Variants in ZNF69 observed in about 807,000 individuals in gnomAD.
ZNF69 encodes the protein ZNF3.
A neutral mutation model predicts 50.9 loss-of-function variants in ZNF69; 47 were observed. That is an observed-to-expected ratio of 0.92 (90% CI 0.73 to 1.18). ZNF69 has a LOEUF of 1.18. ZNF69 is among the 50% of genes most tolerant of loss of function. ZNF69 has a pLI of 0.00. For missense variants in ZNF69, 717 were observed against 675.1 expected, an observed-to-expected ratio of 1.06 and a Z score of -0.69; for synonymous variants, 216 against 223.1, an observed-to-expected ratio of 0.97 and a Z score of 0.29.
At chr19:11,960,188 T>G in the ZNF69 span, among the ~76,000 whole-genome samples, 1 of 152,052 alleles carries the variant, frequency 6.6e-6, no homozygotes, top group Non-Finnish European at 1.5e-5. Context: ...CCCAGCTAAT[T>G]TTTGTATTTT....
At chr19:11,955,149 C>T in the ZNF69 span, among the ~76,000 whole-genome samples, 16 of 151,354 alleles carry the variant, frequency 1.1e-4, no homozygotes, top group African/African-American at 2.4e-4. Context: ...GGACTACAGG[C>T]GCATACCACC....
the ZNF69 span, chr19:11,926,831 G>C: frequency 6.5e-6 from 1 of 153,342 alleles, no homozygotes; most frequent in East Asian, 1.9e-4. Flanking sequence ...TAATAGAAAG[G>C]TCAAGATTTC....
At chr19:11,948,830 A>C in the ZNF69 span, 3 of 1,609,344 alleles carry the variant, frequency 1.9e-6, no homozygotes, top group Non-Finnish European at 2.5e-6. Flanking sequence ...CAAATACATG[A>C]AAGAACTCAC....
chr19:11,905,235 C>G lies in ZNF69; in HGVS notation c.838C>G (p.Gln280Glu). 3 of 1,614,036 alleles carry G rather than the reference C, an allele frequency of 1.9e-6. No individual in the cohort carries two copies. The highest frequency in any genetic ancestry group is 2.5e-6 in the Non-Finnish European group (3 of 1,180,002). Residue 280 changes from glutamine to glutamate, a missense_variant, in exon 4 of 4, where the codon CAA becomes GAA. By Grantham distance (29) the Gln-to-Glu change is conservative. Coordinates refer to ENST00000429654, the MANE Select transcript of ZNF69 (RefSeq NM_001364730.1). ...TGGAGAAAAGCCTTATGAATGTCAGCAATGTGGGAAAGCATTTCATAGTCC... is the reference window on the plus strand; with the variant it reads ...TGGAGAAAAGCCTTATGAATGTCAGGAATGTGGGAAAGCATTTCATAGTCC... Reference protein sequence around the residue: ...HTGEKPYECQQCGKAFHSPRC... With the variant: ...HTGEKPYECQECGKAFHSPRC...
In ZNF69 at chr19:11,905,812, A is replaced by C. The variant is rs200889282; in HGVS notation, c.1415A>C (p.His472Pro). 219 of 1,613,550 alleles carry C rather than the reference A, an allele frequency of 1.4e-4. No homozygotes were observed. Among genetic ancestry groups the C allele is most frequent in the Non-Finnish European group, 1.7e-4 (202 of 1,179,962 alleles). ...HERTQTHVRI[H>P]SGERPYKCKL... The stretch of plus-strand genomic sequence containing the variant: ...AGGACACAAACACACGTAAGAATAC[A>C]CTCTGGAGAAAGACCTTATAAATGT... The change falls in exon 4 of 4, where the codon CAC becomes CCC. Residue 472 changes from histidine (H) to proline (P), a missense_variant. Physicochemically the swap from His to Pro is moderately conservative, Grantham distance 77. Coordinates refer to ENST00000429654, the MANE Select transcript of ZNF69 (RefSeq NM_001364730.1).
In ZNF69 at chr19:11,905,012, A is replaced by G. The variant is rs779509062; in HGVS notation, c.615A>G (p.Ser205=). 6.2e-7 allele frequency: 1 copy of G among 1,614,148 alleles called. No individual in the cohort carries two copies. The highest frequency in any genetic ancestry group is 1.7e-5 in the Admixed American group (1 of 60,026). Residue 205 remains serine, a synonymous_variant, in exon 4 of 4, where the codon TCA becomes TCG. Transcript: ENST00000429654. ...GTGGAAAAACTTTTATTTCCCATTC[A>G]AGCATTCAAAGACACGTGGTAATGC... is the stretch of plus-strand genomic sequence containing the variant. ...KECGKTFISH[S]SIQRHVVMHS...
At chr19:11,908,841 CAG>C (rs758516048), downstream of ZNF69, among the ~76,000 whole-genome samples, 3 of 151,884 alleles carry the variant, frequency 2.0e-5, no homozygotes, top group Non-Finnish European at 2.9e-5. Flanking sequence ...CTGAAGGAGA[CAG>C]AGACAGAAAA....
chr19:11,905,638 A>T lies in ZNF69; in HGVS notation c.1241A>T (p.Lys414Ile), dbSNP rs761907825. ...RYHERIHTGEKPYECKQCGKA... is the reference protein window; with the variant it reads ...RYHERIHTGEIPYECKQCGKA... ...CATGAAAGGATTCACACTGGAGAGA[A>T]ACCCTATGAGTGTAAGCAATGTGGG... is the stretch of plus-strand genomic sequence containing the variant. Residue 414 changes from lysine to isoleucine, a missense_variant, in exon 4 of 4, where the codon AAA (lysine) becomes ATA (isoleucine). Coordinates refer to ENST00000429654, the MANE Select transcript of ZNF69 (RefSeq NM_001364730.1). 1.9e-5 allele frequency: 31 copies of T among 1,614,108 alleles called. No individual in the cohort carries two copies. In the African/African-American group the frequency reaches 3.3e-4, roughly 17 times the overall value.
downstream of ZNF69, among the ~76,000 whole-genome samples, chr19:11,906,961 AAC>A (rs1376192983): frequency 2.0e-5 from 3 of 152,198 alleles, no homozygotes; most frequent in African/African-American, 7.2e-5. Flanking sequence ...AACTAGAATA[AAC>A]AGTGTAGAGA....
rs748141934 is a variant in ZNF69 at position 11,906,094 on chromosome 19, A to G, written c.1697A>G (p.Gln566Arg). The change falls in exon 4 of 4, where the codon CAA becomes CGA. Residue 566 changes from glutamine (Q) to arginine (R), a missense_variant. Coordinates refer to ENST00000429654, the MANE Select transcript of ZNF69 (RefSeq NM_001364730.1). Reference sequence around the variant, plus strand: ...GAAGATAAACCCTATGAGTGTAAGCAATGAGGGAAAGCCTTCAGATCTGCC... The same window carrying G: ...GAAGATAAACCCTATGAGTGTAAGCGATGAGGGAAAGCCTTCAGATCTGCC... Reference protein sequence around the residue: ...HPEDKPYECKQ With the variant: ...HPEDKPYECKR 24 of 1,610,298 alleles carry G rather than the reference A, an allele frequency of 1.5e-5. No individual in the cohort carries two copies. In the South Asian group the frequency reaches 2.6e-4, roughly 18 times the overall value.
Position 11,887,949 on chromosome 19 carries a change from G to A in ZNF69, c.26G>A (p.Cys9Tyr). The A allele has an allele frequency of 1.2e-6, 2 of 1,612,492 alleles. No homozygotes were observed. The highest frequency in any genetic ancestry group is 1.7e-6 in the Non-Finnish European group (2 of 1,178,916). Residue 9 changes from cysteine (C) to tyrosine (Y), a missense_variant, in exon 1 of 4, where the codon TGT (cysteine) becomes TAT (tyrosine). By Grantham distance (194) the Cys-to-Tyr change is radical (BLOSUM62 -2). Coordinates refer to ENST00000429654, the MANE Select transcript of ZNF69 (RefSeq NM_001364730.1). MPCCSHRRCREDPGTSESQ... is the reference protein window; with the variant it reads MPCCSHRRYREDPGTSESQ... ...ATGCCCTGCTGTAGTCACAGGAGGTGTAGAGAGGACCCCGGGACATCTGAA... is the reference window on the plus strand; with the variant it reads ...ATGCCCTGCTGTAGTCACAGGAGGTATAGAGAGGACCCCGGGACATCTGAA...
downstream of ZNF69, among the ~76,000 whole-genome samples, chr19:11,907,153 G>C (rs1972390673): frequency 6.6e-6 from 1 of 152,150 alleles, no homozygotes; most frequent in Admixed American, 6.6e-5. Flanking sequence ...AAATGAAAAA[G>C]CCTCCAAGAA....
At chr19:11,891,122 G>A (rs1252199244) in intron 1 of ZNF69, among the ~76,000 whole-genome samples, 1 of 152,066 alleles carries the variant, frequency 6.6e-6, no homozygotes, top group African/African-American at 2.4e-5. Context: ...CAGTGAGAAG[G>A]GAGTTTGTTG....
At chr19:11,911,757 C>T (rs534971492) in intron 4 of ZNF69, among the ~76,000 whole-genome samples, 2 of 152,168 alleles carry the variant, frequency 1.3e-5, no homozygotes, top group African/African-American at 2.4e-5. Context: ...CAACATGGCA[C>T]GTGTATACAT....
the ZNF69 span, chr19:11,948,352 G>T: frequency 6.2e-7 from 1 of 1,613,984 alleles, no homozygotes; most frequent in Non-Finnish European, 8.5e-7. Flanking sequence ...GGTTCCAGAT[G>T]ACAGACTGAA....
At chr19:11,962,900 G>C in the ZNF69 span, among the ~76,000 whole-genome samples, 1 of 152,122 alleles carries the variant, frequency 6.6e-6, no homozygotes, top group Non-Finnish European at 1.5e-5. Flanking sequence ...TAAAGGGATG[G>C]TTTCACCAGG....
At chr19:11,904,010 T>C in intron 3 of ZNF69, 45 bp downstream of exon 3, 1 of 1,576,290 alleles carries the variant, frequency 6.3e-7, no homozygotes, top group Non-Finnish European at 8.7e-7. Flanking sequence ...CTAGACAATC[T>C]TAGAATATGA....
the ZNF69 span, chr19:11,947,074 T>C: frequency 6.7e-7 from 1 of 1,493,380 alleles, no homozygotes; most frequent in Admixed American, 2.4e-5. Flanking sequence ...AAGCAGGGAA[T>C]AAATGTTTGG....
At chr19:11,952,731 C>G in the ZNF69 span, among the ~76,000 whole-genome samples, 8 of 152,134 alleles carry the variant, frequency 5.3e-5, no homozygotes, top group African/African-American at 1.7e-4. Flanking sequence ...CATTGATTGT[C>G]AGATCACACA....
Sources: allele counts gnomAD v4.1 joint callset (sites outside exome capture counted in the v4.1 genomes callset), GRCh38; gene constraint gnomAD v4.1.1; transcripts MANE v1.5; gene names NCBI Gene and HGNC (gene_info 2026-07-23, HGNC 2026-07-21).